S100A8: variants seen among roughly 807,000 people sequenced by gnomAD.
S100A8 encodes protein S100-A8.
In S100A8, 1 loss-of-function variant was observed where a neutral mutation model predicts 4.2. The observed-to-expected ratio is 0.24, with a 90% CI of 0.08 to 1.12. The LOEUF (loss-of-function observed/expected upper bound fraction) is 1.12. Among genes scored for constraint, S100A8 ranks in the 50% most tolerant of loss-of-function variants. The probability of loss-of-function intolerance (pLI) is 0.53; values close to 1 mark genes in which losing one functional copy is unlikely to be tolerated. For missense variants in S100A8, 96 were observed against 111.8 expected (o/e 0.86, Z 0.64); for synonymous variants, 41 against 44.7 (o/e 0.92, Z 0.33).
the S100A8 span, among the ~76,000 whole-genome samples, chr1:153,407,600 G>T: frequency 6.6e-6 from 1 of 152,222 alleles, no homozygotes; most frequent in South Asian, 2.1e-4. Flanking sequence ...GTCCCTGTTT[G>T]ACAGCTTTGA....
At position 153,390,617 on chromosome 1, in the gene S100A8, G is replaced by A. The variant is rs1012753802; in HGVS notation, c.-22-60C>T. ...AGGGAATTTGCATCTGGCCAGGGCA[G>A]TACGCAGAGGATTCATGCCCCAAGC... On this transcript the variant is annotated intron_variant, in intron 1 of 2. Transcript: ENST00000368733. 3 of 1,582,086 alleles carry A rather than the reference G, an allele frequency of 1.9e-6. No individual in the cohort carries two copies. In the South Asian group the frequency reaches 3.5e-5, roughly 18 times the overall value.
the S100A8 span, among the ~76,000 whole-genome samples, chr1:153,411,717 C>T: frequency 1.3e-5 from 2 of 152,158 alleles, no homozygotes; most frequent in Admixed American, 6.5e-5. Context: ...CATCACACTA[C>T]CTGACTTCAA....
At chr1:153,398,987 C>T in the S100A8 span, among the ~76,000 whole-genome samples, 1 of 152,198 alleles carries the variant, frequency 6.6e-6, no homozygotes, top group Non-Finnish European at 1.5e-5. Flanking sequence ...TACGTGTTCT[C>T]CAAACAGGTA....
the S100A8 span, chr1:153,418,335 C>T: frequency 2.8e-6 from 4 of 1,437,374 alleles, no homozygotes; most frequent in Non-Finnish European, 3.8e-6. Flanking sequence ...AAAAGTTTCC[C>T]ATTTGCAAAT....
chr1:153,418,280 A>G, the S100A8 span: 1 of 1,608,284 alleles, frequency 6.2e-7, no homozygotes, highest in Non-Finnish European at 8.5e-7. Context: ...CTGAGGATAC[A>G]TTTTGCTATG....
At chr1:153,422,277 T>C in the S100A8 span, 1 of 153,232 alleles carries the variant, frequency 6.5e-6, no homozygotes, top group East Asian at 1.9e-4. Context: ...TTTCATCCAA[T>C]ATTCCTTCGA....
upstream of S100A8, among the ~76,000 whole-genome samples, chr1:153,393,964 C>T (rs1178874789): frequency 4.6e-5 from 7 of 152,132 alleles, no homozygotes. Flanking sequence ...TGAAATGTCG[C>T]CCCCTCCCCA....
chr1:153,414,058 T>C, the S100A8 span, among the ~76,000 whole-genome samples: 3 of 151,766 alleles, frequency 2.0e-5, no homozygotes, highest in African/African-American at 4.9e-5. Flanking sequence ...TGATTCCTTT[T>C]GTATTGCATT....
At chr1:153,400,988 TG>T in the S100A8 span, among the ~76,000 whole-genome samples, 1 of 152,162 alleles carries the variant, frequency 6.6e-6, no homozygotes, top group African/African-American at 2.4e-5. Context: ...TGGCTGGGGA[TG>T]GGGGGCAGAC....
At chr1:153,415,353 A>G in the S100A8 span, among the ~76,000 whole-genome samples, 7 of 152,326 alleles carry the variant, frequency 4.6e-5, no homozygotes, top group South Asian at 1.0e-3. Context: ...GAGACATCAC[A>G]TCAGCTCTAT....
the S100A8 span, among the ~76,000 whole-genome samples, chr1:153,411,093 T>C: frequency 4.1e-4 from 63 of 152,262 alleles, no homozygotes; most frequent in South Asian, 2.1e-3. Flanking sequence ...CCTCTCTCAC[T>C]ACTCCTATTC....
At chr1:153,394,664 G>A (rs1662175025), upstream of S100A8, among the ~76,000 whole-genome samples, 2 of 152,156 alleles carry the variant, frequency 1.3e-5, no homozygotes, top group South Asian at 4.1e-4. Context: ...GTCCTGAAAG[G>A]CAAACTAAGC....
upstream of S100A8, among the ~76,000 whole-genome samples, chr1:153,395,471 C>T (rs1021510310): frequency 3.3e-5 from 5 of 152,164 alleles, no homozygotes; most frequent in Admixed American, 6.5e-5. Context: ...GCGCCCAGGT[C>T]TGGACCTTGA....
chr1:153,393,461 T>A (rs1307332057), upstream of S100A8, among the ~76,000 whole-genome samples: 1 of 152,222 alleles, frequency 6.6e-6, no homozygotes, highest in African/African-American at 2.4e-5. Flanking sequence ...GAGGGATAAA[T>A]GAATACAAAA....
chr1:153,394,490 A>C (rs542854865), upstream of S100A8, among the ~76,000 whole-genome samples: 3 of 152,272 alleles, frequency 2.0e-5, no homozygotes, highest in African/African-American at 7.2e-5. Flanking sequence ...CCAATTCTGC[A>C]TTCCTTCCCC....
intron 1 of S100A8, 27 bp from the exon 2 acceptor site, chr1:153,390,584 C>G: frequency 6.2e-7 from 1 of 1,610,532 alleles, no homozygotes; most frequent in Non-Finnish European, 8.5e-7. Flanking sequence ...TCTGGGGAAT[C>G]CCATGGCAGG....
At chr1:153,414,018 TTTG>T in the S100A8 span, among the ~76,000 whole-genome samples, 2 of 152,272 alleles carry the variant, frequency 1.3e-5, no homozygotes, top group Admixed American at 1.3e-4. Context: ...CTTAGAATTC[TTTG>T]TTGTCTTGTA....
the S100A8 span, among the ~76,000 whole-genome samples, chr1:153,397,591 G>A: frequency 9.9e-4 from 151 of 152,286 alleles, no homozygotes; most frequent in African/African-American, 3.5e-3. Context: ...GGTGGGCATC[G>A]GGAGCACTGG....
chr1:153,390,224 C>A lies in S100A8; in HGVS notation c.161G>T (p.Trp54Leu), dbSNP rs755195830. The A allele has an allele frequency of 1.9e-6, 3 of 1,612,938 alleles. No homozygotes were observed. In the East Asian group the frequency reaches 6.7e-5, roughly 36 times the overall value. Residue 54 changes from tryptophan to leucine, a missense_variant, in exon 3 of 3, where the codon TGG becomes TTG. Trp to Leu is a moderately conservative substitution (Grantham distance 61). Coordinates refer to ENST00000368733, the MANE Select transcript of S100A8 (RefSeq NM_002964.5). Reference protein sequence around the residue: ...QYIRKKGADVWFKELDINTDG... With the variant: ...QYIRKKGADVLFKELDINTDG... ...AGTGTTGATATCCAACTCTTTGAAC[C>A]AGACGTCTGCACCCTTTTTCTGTCA...
Sources: allele counts gnomAD v4.1 joint callset (sites outside exome capture counted in the v4.1 genomes callset), GRCh38; gene constraint gnomAD v4.1.1; transcripts MANE v1.5; gene names NCBI Gene and HGNC (gene_info 2026-07-23, HGNC 2026-07-21).